CNTLN: variants seen among roughly 807,000 people sequenced by gnomAD.
CNTLN encodes centlein, also known as centlein, centrosomal protein.
In CNTLN, 212 loss-of-function variants were observed where a neutral mutation model predicts 180.0. The observed-to-expected ratio is 1.18, with a 90% CI of 1.05 to 1.32. The LOEUF (loss-of-function observed/expected upper bound fraction) is 1.32, where lower values mean the gene tolerates loss of function less well. Among genes scored for constraint, CNTLN ranks in the 40% most tolerant of loss-of-function variants. The probability of loss-of-function intolerance (pLI) is 0.00; values close to 1 mark genes in which losing one functional copy is unlikely to be tolerated. For synonymous variants in CNTLN, 722 were observed against 563.1 expected, an observed-to-expected ratio of 1.28 and a Z score of -3.99; for missense variants, 2,095 against 1,610.9, an observed-to-expected ratio of 1.30 and a Z score of -5.14.
Position 17,416,019 on chromosome 9 carries a change from A to G in CNTLN, c.2944A>G (p.Ile982Val), listed in dbSNP as rs1206148440. 6.2e-7 allele frequency: 1 copy of G among 1,613,248 alleles called. No homozygotes were observed. Among genetic ancestry groups the G allele is most frequent in the South Asian group, 1.1e-5 (1 of 90,784 alleles). Residue 982 changes from isoleucine to valine, a missense_variant, in exon 18 of 26, where the codon ATT becomes GTT. Coordinates refer to ENST00000380647, the MANE Select transcript of CNTLN (RefSeq NM_017738.4). The stretch of plus-strand genomic sequence containing the variant: ...TGCCCAGAAATCAAGTAGCAATATT[A>G]TTTTATTACGAGAACGGATTATATC... ...ITAQKSSSNI[I>V]LLRERIISLQ...
Position 17,236,596 on chromosome 9 carries a change from A to G in CNTLN, c.849+8A>G. The G allele has an allele frequency of 2.5e-6, 4 of 1,594,712 alleles. No homozygotes were observed. The highest frequency in any genetic ancestry group is 1.1e-5 in the South Asian group (1 of 87,712). Reference sequence around the variant, plus strand: ...ACTGATGCAAAAATAAAGGTATACAATAGGAATGGAATCCATACTCCTCTT... The same window carrying G: ...ACTGATGCAAAAATAAAGGTATACAGTAGGAATGGAATCCATACTCCTCTT... On this transcript the variant is annotated splice_region_variant and intron_variant, in intron 5 of 25. Transcript: ENST00000380647.
chr9:17,369,983 C>A (rs577445260), intron 13 of CNTLN, among the ~76,000 whole-genome samples: 1 of 143,906 alleles, frequency 6.9e-6, no homozygotes, highest in Non-Finnish European at 1.5e-5. Flanking sequence ...GAGACTCCAT[C>A]TCGAAAAAAA....
At chr9:17,342,158 G>A (rs896513332) in intron 11 of CNTLN, among the ~76,000 whole-genome samples, 167 bp from the exon 12 acceptor site, 1 of 151,822 alleles carries the variant, frequency 6.6e-6, no homozygotes, top group Admixed American at 6.6e-5. Context: ...TATGATAGAG[G>A]GTTTTGATTT....
intron 6 of CNTLN, among the ~76,000 whole-genome samples, chr9:17,280,138 C>G (rs878864399): frequency 6.6e-6 from 1 of 152,014 alleles, no homozygotes; most frequent in East Asian, 1.9e-4. Flanking sequence ...TTATAAGTAA[C>G]AAAAATGGAC....
In CNTLN at chr9:17,466,026, G is replaced by T; in HGVS notation, c.3577G>T (p.Asp1193Tyr). The change falls in exon 22 of 26, where the codon GAT (aspartate) becomes TAT (tyrosine). Residue 1193 changes from aspartate to tyrosine, a missense_variant. Physicochemically the swap from Asp to Tyr is radical, Grantham distance 160. Transcript: ENST00000380647. ...ATGTTCCAACAAGAAGGTATCAATT[G>T]ATTCACTAAAGCAAAGACTTAACGT... ...EECSNKKVSI[D>Y]SLKQRLNVAV... 2.5e-6 allele frequency: 4 copies of T among 1,605,490 alleles called. No individual in the cohort carries two copies. In the South Asian group the frequency reaches 4.4e-5, roughly 18 times the overall value.
intron 5 of CNTLN, among the ~76,000 whole-genome samples, chr9:17,264,502 G>A (rs887916660): frequency 6.7e-6 from 1 of 149,636 alleles, no homozygotes; most frequent in African/African-American, 2.5e-5. Context: ...TGTTCTTTTG[G>A]CTTAGGATTG....
At chr9:17,247,816 G>T (rs1936305620) in intron 5 of CNTLN, among the ~76,000 whole-genome samples, 3 of 134,414 alleles carry the variant, frequency 2.2e-5, no homozygotes, top group Non-Finnish European at 4.7e-5. Context: ...AAATGATCAT[G>T]TGGTTTCTCT....
chr9:17,169,418 C>T (rs1446307258), intron 2 of CNTLN, among the ~76,000 whole-genome samples: 2 of 152,160 alleles, frequency 1.3e-5, no homozygotes, highest in Non-Finnish European at 2.9e-5. Flanking sequence ...GAATATGGTT[C>T]TCACTCTAGT....
the CNTLN span, among the ~76,000 whole-genome samples, chr9:17,512,893 T>C: frequency 6.6e-6 from 1 of 152,186 alleles, no homozygotes; most frequent in Non-Finnish European, 1.5e-5. Context: ...CTCAGCTCAC[T>C]GCAAGCTCCG....
chr9:17,194,688 C>G (rs948113787), intron 2 of CNTLN, among the ~76,000 whole-genome samples: 3 of 152,292 alleles, frequency 2.0e-5, no homozygotes, highest in Admixed American at 2.0e-4. Context: ...ACCTTTGTTA[C>G]CCAGTTCAAA....
At chr9:17,235,596 A>T in intron 3 of CNTLN, 62 bp from the exon 4 acceptor site, 1 of 1,348,696 alleles carries the variant, frequency 7.4e-7, no homozygotes, top group East Asian at 2.4e-5. Flanking sequence ...AAAACCTTTA[A>T]AATAAAATAC....
chr9:17,277,676 AT>A, intron 6 of CNTLN, among the ~76,000 whole-genome samples: 1 of 152,154 alleles, frequency 6.6e-6, no homozygotes, highest in South Asian at 2.1e-4. Flanking sequence ...TAAGTTTATC[AT>A]GCTTGGTGGA....
chr9:17,458,821 T>A (rs982073098), intron 19 of CNTLN, among the ~76,000 whole-genome samples: 5 of 151,914 alleles, frequency 3.3e-5, no homozygotes, highest in Non-Finnish European at 7.4e-5. Context: ...TTTTATAATC[T>A]TAAATAACTT....
intron 12 of CNTLN, among the ~76,000 whole-genome samples, chr9:17,349,340 CTT>C (rs1376241940): frequency 1.3e-5 from 2 of 152,100 alleles, no homozygotes; most frequent in Non-Finnish European, 2.9e-5. Context: ...CATACTCAGT[CTT>C]AACTGTTTAA....
intron 2 of CNTLN, among the ~76,000 whole-genome samples, chr9:17,164,348 A>T (rs1819900394): frequency 3.8e-5 from 5 of 133,160 alleles, no homozygotes; most frequent in South Asian, 2.6e-4. Flanking sequence ...TATTGAAATG[A>T]TCTTTCATTC....
At chr9:17,235,830 T>C (rs752307741) in intron 4 of CNTLN, 38 bp downstream of exon 4, 5 of 1,559,694 alleles carry the variant, frequency 3.2e-6, no homozygotes, top group Non-Finnish European at 4.3e-6. Context: ...GGACTGTTGC[T>C]TTGAAGTTCT....
chr9:17,176,867 T>C (rs1422190250), intron 2 of CNTLN, among the ~76,000 whole-genome samples: 1 of 152,194 alleles, frequency 6.6e-6, no homozygotes, highest in Non-Finnish European at 1.5e-5. Context: ...TGTATAGCGT[T>C]GTTCACAGTT....
intron 18 of CNTLN, among the ~76,000 whole-genome samples, chr9:17,425,499 C>T (rs1829018585): frequency 6.6e-6 from 1 of 152,152 alleles, no homozygotes; most frequent in Non-Finnish European, 1.5e-5. Context: ...CTTTTAGCAA[C>T]CCAGTCTGGT....
At chr9:17,380,440 T>C (rs1825147956) in intron 13 of CNTLN, among the ~76,000 whole-genome samples, 1 of 152,154 alleles carries the variant, frequency 6.6e-6, no homozygotes, top group African/African-American at 2.4e-5. Context: ...TACAGATACG[T>C]GTGTAACAGT....
Sources: gnomAD v4.1 joint callset for allele counts (sites outside exome capture counted in the v4.1 genomes callset) on GRCh38, gnomAD v4.1.1 for gene constraint, MANE v1.5 for transcripts, NCBI Gene and HGNC (gene_info 2026-07-23, HGNC 2026-07-21) for gene names.